Variants in SNTG1 observed in about 807,000 individuals in gnomAD.
SNTG1 encodes the protein gamma-1-syntrophin.
A neutral mutation model predicts 74.7 loss-of-function variants in SNTG1; 39 were observed. The ratio of observed to expected loss-of-function variants is 0.52; its 90% CI spans 0.40 to 0.68. SNTG1 has a LOEUF of 0.68. Among genes scored for constraint, SNTG1 ranks in the 30% least tolerant of loss-of-function variants. The pLI, the probability that SNTG1 is intolerant of heterozygous loss-of-function variation, is 0.00. For synonymous variants in SNTG1, 254 were observed against 217.1 expected, an observed-to-expected ratio of 1.17 and a Z score of -1.49; for missense variants, 685 against 609.5, an observed-to-expected ratio of 1.12 and a Z score of -1.30.
intron 1 of SNTG1, among the ~76,000 whole-genome samples, chr8:49,936,191 C>A (rs1808066253): frequency 6.6e-6 from 1 of 152,124 alleles, no homozygotes; most frequent in South Asian, 2.1e-4. Context: ...GGCATAAGGA[C>A]CCTTAACAGA....
intron 15 of SNTG1, among the ~76,000 whole-genome samples, chr8:50,695,212 C>T (rs928892931): frequency 6.6e-6 from 1 of 151,442 alleles, no homozygotes; most frequent in African/African-American, 2.4e-5. Context: ...CTCACACACA[C>T]ACACAAAAAA....
intron 8 of SNTG1, among the ~76,000 whole-genome samples, chr8:50,495,261 A>G (rs957161307): frequency 6.6e-6 from 1 of 152,144 alleles, no homozygotes; most frequent in Non-Finnish European, 1.5e-5. Flanking sequence ...AAAAATTAAA[A>G]TGCAGAAAAA....
chr8:50,163,043 A>G (rs895286188), intron 1 of SNTG1, among the ~76,000 whole-genome samples: 3 of 152,138 alleles, frequency 2.0e-5, no homozygotes, highest in Admixed American at 1.3e-4. Flanking sequence ...GTCTTTTCCC[A>G]TAGAGTTGCT....
intron 2 of SNTG1, among the ~76,000 whole-genome samples, chr8:50,253,009 T>C (rs2086709427): frequency 6.6e-6 from 1 of 152,170 alleles, no homozygotes. Flanking sequence ...ATGTCTATTA[T>C]ATAAAACCCA....
intron 2 of SNTG1, among the ~76,000 whole-genome samples, chr8:50,198,947 A>AT: frequency 6.6e-6 from 1 of 152,232 alleles, no homozygotes; most frequent in Middle Eastern, 3.4e-3. Flanking sequence ...CACTGTTTTT[A>AT]TTTTTGGTGG....
intron 13 of SNTG1, among the ~76,000 whole-genome samples, chr8:50,653,172 G>A (rs1029307348): frequency 1.1e-4 from 17 of 151,974 alleles, no homozygotes; most frequent in African/African-American, 4.1e-4. Flanking sequence ...AGCGAGGCAT[G>A]ATGGGTCATT....
At chr8:50,013,318 G>A (rs1014362446) in intron 1 of SNTG1, among the ~76,000 whole-genome samples, 3 of 152,082 alleles carry the variant, frequency 2.0e-5, no homozygotes, top group South Asian at 2.1e-4. Context: ...ATAGCACCTC[G>A]TCATAGACTT....
intron 1 of SNTG1, among the ~76,000 whole-genome samples, chr8:50,158,434 G>C (rs1018919891): frequency 1.3e-5 from 2 of 152,086 alleles, no homozygotes; most frequent in African/African-American, 4.8e-5. Flanking sequence ...CCCAGGGATT[G>C]ACAATACTCA....
At chr8:50,528,998 G>C (rs1404964404) in intron 9 of SNTG1, among the ~76,000 whole-genome samples, 1 of 151,276 alleles carries the variant, frequency 6.6e-6, no homozygotes, top group African/African-American at 2.4e-5. Context: ...AGATCATTAA[G>C]TTTATACCTA....
intron 2 of SNTG1, among the ~76,000 whole-genome samples, chr8:50,199,224 T>TC (rs2083893134): frequency 6.6e-6 from 1 of 151,718 alleles, no homozygotes; most frequent in African/African-American, 2.4e-5. Flanking sequence ...TTTCCTTTTT[T>TC]TTTTTTTTTT....
At chr8:50,248,568 T>C (rs2086501897) in intron 2 of SNTG1, among the ~76,000 whole-genome samples, 1 of 152,198 alleles carries the variant, frequency 6.6e-6, no homozygotes. Flanking sequence ...TCAGCCTTAA[T>C]GATAAATTCT....
chr8:50,654,065 A>G (rs953228040), intron 13 of SNTG1, among the ~76,000 whole-genome samples: 3 of 151,892 alleles, frequency 2.0e-5, no homozygotes, highest in African/African-American at 7.3e-5. Flanking sequence ...TGGTGTGCTT[A>G]TATTTATCTA....
At chr8:49,961,168 G>C (rs1810648330) in intron 1 of SNTG1, among the ~76,000 whole-genome samples, 1 of 152,216 alleles carries the variant, frequency 6.6e-6, no homozygotes, top group East Asian at 1.9e-4. Context: ...CATAAACATA[G>C]CTGGACTATT....
chr8:50,289,773 G>A (rs886455441), intron 2 of SNTG1, among the ~76,000 whole-genome samples: 2 of 152,118 alleles, frequency 1.3e-5, no homozygotes, highest in Non-Finnish European at 2.9e-5. Context: ...TGAAAGAGAG[G>A]AGAAGTCAGA....
intron 17 of SNTG1, among the ~76,000 whole-genome samples, chr8:50,732,464 T>C (rs2131624783): frequency 6.6e-6 from 1 of 152,068 alleles, no homozygotes; most frequent in Non-Finnish European, 1.5e-5. Context: ...TTATATTACT[T>C]GCATTTTTCC....
chr8:50,790,918 C>T (rs942175468), intron 18 of SNTG1, among the ~76,000 whole-genome samples: 1 of 151,776 alleles, frequency 6.6e-6, no homozygotes, highest in Non-Finnish European at 1.5e-5. Flanking sequence ...GGCAGAATTA[C>T]CTTTGAGAAA....
intron 2 of SNTG1, among the ~76,000 whole-genome samples, chr8:50,356,573 C>T (rs75494835): frequency 0.059 from 8,979 of 152,182 alleles, 297 homozygotes; most frequent in Non-Finnish European, 0.071. Context: ...TGCCGGCATC[C>T]GCTGTCTGGT....
intron 4 of SNTG1, among the ~76,000 whole-genome samples, chr8:50,427,783 G>A (rs942510017): frequency 6.6e-6 from 1 of 152,172 alleles, no homozygotes; most frequent in African/African-American, 2.4e-5. Context: ...TTACTCAATT[G>A]TTCTTTCTAT....
chr8:50,326,342 A>G (rs1363640116), intron 2 of SNTG1, among the ~76,000 whole-genome samples: 1 of 152,006 alleles, frequency 6.6e-6, no homozygotes, highest in African/African-American at 2.4e-5. Flanking sequence ...TGGAAAGGTT[A>G]TTAATTATTG....
Sources: allele counts gnomAD v4.1 joint callset (sites outside exome capture counted in the v4.1 genomes callset), GRCh38; gene constraint gnomAD v4.1.1; transcripts MANE v1.5; gene names NCBI Gene and HGNC (gene_info 2026-07-23, HGNC 2026-07-21).